The following BCAS3 variants were observed in gnomAD, a reference collection of about 807,000 sequenced individuals.
BCAS3 encodes the protein BCAS3 microtubule associated cell migration factor.
A neutral mutation model predicts 116.1 loss-of-function variants in BCAS3; 53 were observed. That is an observed-to-expected ratio of 0.46 (90% CI 0.37 to 0.57). The LOEUF (loss-of-function observed/expected upper bound fraction) is 0.57, where lower values mean the gene tolerates loss of function less well. Ranked by LOEUF, BCAS3 falls within the 20% of genes least tolerant of loss-of-function variation. The pLI is 0.00. For synonymous variants in BCAS3, 391 were observed against 408.2 expected (o/e 0.96, Z 0.51); for missense variants, 917 against 1,165.4 (o/e 0.79, Z 3.10).
intron 5 of BCAS3, among the ~76,000 whole-genome samples, chr17:60,738,599 T>C (rs1186489264): frequency 6.6e-6 from 1 of 152,200 alleles, no homozygotes; most frequent in African/African-American, 2.4e-5. Flanking sequence ...ATATTTAAAG[T>C]GGATTTCTTC....
At chr17:60,915,831 C>T (rs1013972797) in intron 12 of BCAS3, among the ~76,000 whole-genome samples, 5 of 151,724 alleles carry the variant, frequency 3.3e-5, no homozygotes, top group South Asian at 2.1e-4. Flanking sequence ...TACAGGTGCC[C>T]GCCACCACAC....
chr17:61,253,994 C>T (rs930258109), intron 22 of BCAS3, among the ~76,000 whole-genome samples: 1 of 152,144 alleles, frequency 6.6e-6, no homozygotes, highest in Admixed American at 6.5e-5. Flanking sequence ...TAGGATAATA[C>T]TCATAAGATC....
intron 12 of BCAS3, among the ~76,000 whole-genome samples, chr17:60,912,651 CTT>C (rs916092047): frequency 2.0e-5 from 3 of 151,972 alleles, no homozygotes; most frequent in Non-Finnish European, 4.4e-5. Context: ...ACTTTAATGA[CTT>C]TGTGTTAATT....
intron 22 of BCAS3, among the ~76,000 whole-genome samples, chr17:61,129,416 C>G (rs1394413403): frequency 1.3e-5 from 2 of 152,204 alleles, no homozygotes; most frequent in Non-Finnish European, 2.9e-5. Context: ...CTCAGAAGAG[C>G]TGTCTTCTAA....
At chr17:60,888,567 C>T (rs900421321) in intron 9 of BCAS3, among the ~76,000 whole-genome samples, 1 of 152,120 alleles carries the variant, frequency 6.6e-6, no homozygotes, top group Non-Finnish European at 1.5e-5. Flanking sequence ...GTAAATACTA[C>T]ACAATTTATA....
At chr17:60,890,468 A>G (rs572235181) in intron 10 of BCAS3, among the ~76,000 whole-genome samples, 1 of 152,306 alleles carries the variant, frequency 6.6e-6, no homozygotes, top group Non-Finnish European at 1.5e-5. Flanking sequence ...AGGAAAAAAA[A>G]AAAGAATAAT....
intron 7 of BCAS3, among the ~76,000 whole-genome samples, chr17:60,836,959 C>T (rs1301030859): frequency 6.6e-6 from 1 of 152,092 alleles, no homozygotes; most frequent in Non-Finnish European, 1.5e-5. Context: ...GTTGATTTGT[C>T]TGTTTGGTGA....
intron 7 of BCAS3, among the ~76,000 whole-genome samples, chr17:60,812,262 C>T (rs1490488890): frequency 2.0e-5 from 3 of 151,900 alleles, no homozygotes; most frequent in South Asian, 2.1e-4. Context: ...TTTAAACTGA[C>T]GAAAGGCAGA....
rs951184024 is a variant in BCAS3 at position 61,282,097 on chromosome 17, A to G, written c.2426-86230A>G. 7.9e-5 allele frequency among the ~76,000 whole-genome samples: 12 copies of G among 152,224 alleles called. No homozygotes were observed. The highest frequency in any genetic ancestry group is 2.9e-4 in the African/African-American group (12 of 41,450). On this transcript the variant is annotated intron_variant, in intron 22 of 23. Transcript: ENST00000407086. This position sits in a 1 kb window ranked among gnomAD's most constrained non-coding sequence, Gnocchi z 5.9. ...CCTCCTGCATTTTTGTGAATATCTA[A>G]TAAGATCAAGTGAATTTAATATATG...
At chr17:61,174,479 A>G (rs542965624) in intron 22 of BCAS3, among the ~76,000 whole-genome samples, 1 of 152,340 alleles carries the variant, frequency 6.6e-6, no homozygotes, top group African/African-American at 2.4e-5. Flanking sequence ...CCATGTTGTC[A>G]CAAATGACAG....
At chr17:61,303,920 A>G (rs1034904844) in intron 22 of BCAS3, among the ~76,000 whole-genome samples, 4 of 152,178 alleles carry the variant, frequency 2.6e-5, no homozygotes, top group African/African-American at 9.7e-5. Context: ...AAGAGTAGGC[A>G]TATTGTTCCT....
At chr17:61,033,177 A>T (rs544111739) in intron 16 of BCAS3, among the ~76,000 whole-genome samples, 21 of 152,284 alleles carry the variant, frequency 1.4e-4, no homozygotes, top group Admixed American at 9.8e-4. Flanking sequence ...CTGCCCTGGG[A>T]ACTTTACCTG....
Position 61,343,612 on chromosome 17 carries a change from G to C in BCAS3, c.2426-24715G>C, listed in dbSNP as rs1329187533. ...GTTGAGGAAGCGTATGCAGAGGTTT[G>C]AGCCAAACAACTGGATGGCAAGGCA... On this transcript the variant is annotated intron_variant, in intron 22 of 23. Transcript: ENST00000407086. This position sits in a 1 kb window ranked among gnomAD's most constrained non-coding sequence, Gnocchi z 5.5. Among the ~76,000 whole-genome samples, 1 of 152,150 alleles carries C rather than the reference G, an allele frequency of 6.6e-6. No homozygotes were observed. Among genetic ancestry groups the C allele is most frequent in the African/African-American group, 2.4e-5 (1 of 41,440 alleles).
chr17:60,851,904 C>T (rs1481597511), intron 7 of BCAS3, among the ~76,000 whole-genome samples: 2 of 151,706 alleles, frequency 1.3e-5, no homozygotes, highest in African/African-American at 4.8e-5. Flanking sequence ...AGTGTAAATG[C>T]TTTTTTTTAA....
Position 61,181,391 on chromosome 17 carries a change from A to C in BCAS3, c.2425+96827A>C, listed in dbSNP as rs1422377424. Among the ~76,000 whole-genome samples the C allele has an allele frequency of 6.6e-6, 1 of 152,198 alleles. No homozygotes were observed. The highest frequency in any genetic ancestry group is 1.5e-5 in the Non-Finnish European group (1 of 68,032). On this transcript the variant is annotated intron_variant, in intron 22 of 23. Transcript: ENST00000407086. The surrounding 1 kb of genome is among the most constrained non-coding windows in gnomAD (Gnocchi z 5.0). ...TTGCCATGAAATAATTCTGATAGCC[A>C]CTCAGAGAACTGAGAAGTGATTTAT...
At chr17:60,769,108 G>GTACT (rs1275195807) in intron 6 of BCAS3, among the ~76,000 whole-genome samples, 4 of 152,312 alleles carry the variant, frequency 2.6e-5, no homozygotes, top group African/African-American at 7.2e-5. Flanking sequence ...CAGTGGTGAT[G>GTACT]TACTGATCTG....
chr17:61,048,272 T>A (rs1258671480), intron 19 of BCAS3, among the ~76,000 whole-genome samples: 1 of 152,040 alleles, frequency 6.6e-6, no homozygotes, highest in Non-Finnish European at 1.5e-5. Flanking sequence ...CTTTCCTGCA[T>A]GTAGCAACAA....
intron 7 of BCAS3, among the ~76,000 whole-genome samples, chr17:60,838,602 A>G (rs1179699641): frequency 6.6e-6 from 1 of 152,102 alleles, no homozygotes; most frequent in Non-Finnish European, 1.5e-5. Context: ...GGTTCATTGG[A>G]TGATATGTTC....
In BCAS3 at chr17:60,753,383, TTTTATTTA is replaced by T. The variant is rs35459382; in HGVS notation, c.403+6141_403+6148del. Among the ~76,000 whole-genome samples the T allele has an allele frequency of 8.0e-3, 1,091 of 135,622 alleles. 11 individuals carry two copies. The highest frequency in any genetic ancestry group is 0.022 in the Middle Eastern group (6 of 274). 89.0% of individuals were successfully genotyped at this position (135,622 alleles called of 152,430 possible). A position where few individuals can be genotyped will look rare whatever the true frequency, so the allele number is the denominator to read the frequency against. ...TTATTTTGTTGTTATTTGTCTCTTATTTTATTTATTTATTTATTTATTTATTTATTTAT... is the reference window on the plus strand; with the variant it reads ...TTATTTTGTTGTTATTTGTCTCTTATTTTATTTATTTATTTATTTATTTAT... On this transcript the variant is annotated intron_variant, in intron 6 of 23. Transcript: ENST00000407086.
Sources: allele counts gnomAD v4.1 joint callset (sites outside exome capture counted in the v4.1 genomes callset), GRCh38; gene constraint gnomAD v4.1.1; non-coding constraint Gnocchi (gnomAD v3.1); transcripts MANE v1.5; gene names NCBI Gene and HGNC (gene_info 2026-07-23, HGNC 2026-07-21).